The following AFG2A variants were observed in gnomAD, a reference collection of about 807,000 sequenced individuals.
AFG2A encodes the protein AAA ATPase AFG2A.
chr4:123,063,886 T>G, the AFG2A span, among the ~76,000 whole-genome samples: 1 of 152,208 alleles, frequency 6.6e-6, no homozygotes, highest in Non-Finnish European at 1.5e-5. Flanking sequence ...CTACTTAAAA[T>G]TACTGAAAAG....
chr4:123,065,476 T>A, the AFG2A span, among the ~76,000 whole-genome samples: 1 of 152,292 alleles, frequency 6.6e-6, no homozygotes, highest in South Asian at 2.1e-4. Context: ...TAATAACTAC[T>A]AGAAAAGTTC....
chr4:123,267,959 A>G, the AFG2A span, among the ~76,000 whole-genome samples: 1 of 152,050 alleles, frequency 6.6e-6, no homozygotes, highest in Non-Finnish European at 1.5e-5. Flanking sequence ...CCTATATTTA[A>G]ACTGATCATG....
the AFG2A span, among the ~76,000 whole-genome samples, chr4:123,008,376 C>T: frequency 6.6e-6 from 1 of 152,128 alleles, no homozygotes; most frequent in Non-Finnish European, 1.5e-5. Flanking sequence ...TCACCTAGGC[C>T]CTACCTCCAA....
the AFG2A span, among the ~76,000 whole-genome samples, chr4:122,998,403 T>A: frequency 6.6e-6 from 1 of 152,112 alleles, no homozygotes. Context: ...GCTGGTGTGC[T>A]GCACCCATTA....
chr4:123,265,332 G>C, the AFG2A span, among the ~76,000 whole-genome samples: 1 of 151,948 alleles, frequency 6.6e-6, no homozygotes, highest in Non-Finnish European at 1.5e-5. Context: ...ACTCTTTGTT[G>C]GGAAAATAAA....
the AFG2A span, among the ~76,000 whole-genome samples, chr4:123,180,978 CTTTTTTTTTT>C: frequency 2.5e-5 from 3 of 118,362 alleles, no homozygotes; most frequent in Admixed American, 9.9e-5. Flanking sequence ...TCCTCCCCCT[CTTTTTTTTTT>C]TTTTTTTTTT....
the AFG2A span, among the ~76,000 whole-genome samples, chr4:123,133,336 T>C: frequency 2.6e-5 from 4 of 152,192 alleles, no homozygotes; most frequent in African/African-American, 9.7e-5. Flanking sequence ...AGTTCTTTAG[T>C]GGAAACTGTG....
chr4:123,246,269 CCT>C, the AFG2A span, among the ~76,000 whole-genome samples: 3 of 152,102 alleles, frequency 2.0e-5, no homozygotes, highest in African/African-American at 7.2e-5. Context: ...CTTAAATTGT[CCT>C]GTTCAGGTTC....
chr4:123,145,444 ACT>A, the AFG2A span, among the ~76,000 whole-genome samples: 1 of 152,128 alleles, frequency 6.6e-6, no homozygotes, highest in Non-Finnish European at 1.5e-5. Context: ...CAATTAGATT[ACT>A]GCACACCTAA....
chr4:123,148,764 ACT>A, the AFG2A span, among the ~76,000 whole-genome samples: 1 of 145,212 alleles, frequency 6.9e-6, no homozygotes, highest in Non-Finnish European at 1.5e-5. Flanking sequence ...ACACACACAC[ACT>A]CTATTTTTTT....
chr4:123,228,758 T>C, the AFG2A span, among the ~76,000 whole-genome samples: 1 of 151,932 alleles, frequency 6.6e-6, no homozygotes, highest in Non-Finnish European at 1.5e-5. Context: ...AAATGGAAAA[T>C]TCAGGATTTC....
the AFG2A span, among the ~76,000 whole-genome samples, chr4:122,962,310 A>T: frequency 1.3e-5 from 2 of 152,218 alleles, no homozygotes; most frequent in Admixed American, 6.5e-5. Flanking sequence ...AGCTAGATAA[A>T]TAAGCAGTAA....
the AFG2A span, among the ~76,000 whole-genome samples, chr4:123,215,937 A>G: frequency 7.0e-4 from 107 of 152,206 alleles, no homozygotes; most frequent in African/African-American, 2.4e-3. Flanking sequence ...CTTGAACTAC[A>G]TGGGTTCTCT....
chr4:123,196,932 A>C, the AFG2A span, among the ~76,000 whole-genome samples: 1 of 152,232 alleles, frequency 6.6e-6, no homozygotes, highest in South Asian at 2.1e-4. Flanking sequence ...ATAATCTTAC[A>C]CAGAATGATG....
At chr4:123,006,421 G>A in the AFG2A span, among the ~76,000 whole-genome samples, 1 of 151,534 alleles carries the variant, frequency 6.6e-6, no homozygotes, top group Non-Finnish European at 1.5e-5. Context: ...TTGTATATTT[G>A]AGCTTACAGT....
chr4:122,964,541 G>C, the AFG2A span, among the ~76,000 whole-genome samples: 1 of 150,578 alleles, frequency 6.6e-6, no homozygotes, highest in Non-Finnish European at 1.5e-5. Flanking sequence ...ACTGCAACTA[G>C]AATAGAATAA....
chr4:122,940,217 A>G, the AFG2A span, among the ~76,000 whole-genome samples: 1 of 152,054 alleles, frequency 6.6e-6, no homozygotes, highest in South Asian at 2.1e-4. Flanking sequence ...ACTGACTTCC[A>G]CAATGGTTGA....
chr4:123,252,697 TA>T, the AFG2A span, among the ~76,000 whole-genome samples: 1 of 152,230 alleles, frequency 6.6e-6, no homozygotes, highest in Non-Finnish European at 1.5e-5. Context: ...TAGACTTGTG[TA>T]AACCTGTGAA....
the AFG2A span, among the ~76,000 whole-genome samples, chr4:123,287,461 A>T: frequency 9.9e-5 from 15 of 152,210 alleles, no homozygotes; most frequent in Non-Finnish European, 2.1e-4. Context: ...TATACAATGT[A>T]AAGTTAAATG....
Sources: allele counts gnomAD v4.1 joint callset (sites outside exome capture counted in the v4.1 genomes callset), GRCh38; gene constraint gnomAD v4.1.1; transcripts MANE v1.5; gene names NCBI Gene and HGNC (gene_info 2026-07-23, HGNC 2026-07-21).